The following CTDSPL2 variants were observed in gnomAD, a reference collection of about 807,000 sequenced individuals.
CTDSPL2 encodes CTD small phosphatase-like protein 2.
In CTDSPL2, 5 loss-of-function variants were observed where a neutral mutation model predicts 60.0. The ratio of observed to expected loss-of-function variants is 0.08; its 90% CI spans 0.04 to 0.18. The LOEUF is 0.18. Among genes scored for constraint, CTDSPL2 ranks in the 10% least tolerant of loss-of-function variants. CTDSPL2 has a pLI of 1.00. For synonymous variants in CTDSPL2, 186 were observed against 189.3 expected, an observed-to-expected ratio of 0.98 and a Z score of 0.14; for missense variants, 370 against 548.8, an observed-to-expected ratio of 0.67 and a Z score of 3.26.
intron 1 of CTDSPL2, chr15:44,428,104 G>C (rs1435186560): frequency 6.2e-6 from 1 of 161,256 alleles, no homozygotes; most frequent in Non-Finnish European, 1.3e-5. Flanking sequence ...GGGTAATTAA[G>C]TTAGAAGTTT....
chr15:44,448,255 G>A (rs1263088535), intron 1 of CTDSPL2: 10 of 290,230 alleles, frequency 3.4e-5, no homozygotes, highest in African/African-American at 1.5e-4. Context: ...ACTGCGCTCC[G>A]TGACCTTGCC....
At chr15:44,490,116 G>A (rs1297986225) in intron 4 of CTDSPL2, among the ~76,000 whole-genome samples, 1 of 152,054 alleles carries the variant, frequency 6.6e-6, no homozygotes, top group Non-Finnish European at 1.5e-5. Flanking sequence ...AGAAGGAAAT[G>A]GAAAGACCTG....
Position 44,486,717 on chromosome 15 carries a change from A to G in CTDSPL2, c.475+17A>G. 2.7e-6 allele frequency: 4 copies of G among 1,491,844 alleles called. No individual in the cohort carries two copies. Among genetic ancestry groups the G allele is most frequent in the Non-Finnish European group, 3.6e-6 (4 of 1,116,568 alleles). 92.4% of individuals were successfully genotyped at this position (1,491,844 alleles called of 1,614,324 possible). Reference sequence around the variant, plus strand: ...ATAAAAATGGTAAGTATAAACTGTTAACTGTGATTTGGATTTTTTTTAAAA... The same window carrying G: ...ATAAAAATGGTAAGTATAAACTGTTGACTGTGATTTGGATTTTTTTTAAAA... On this transcript the variant is annotated intron_variant, in intron 4 of 12. Transcript: ENST00000260327.
In CTDSPL2 at chr15:44,472,830, A is replaced by AT. The variant is rs975719205; in HGVS notation, c.187-11386dup. ...AGGCACATGCCACCAAGTCCAACTA[A>AT]TTTTTTTTATTTTTAATGGAGACAG... On this transcript the variant is annotated intron_variant, in intron 2 of 12. Coordinates refer to ENST00000260327, the MANE Select transcript of CTDSPL2 (RefSeq NM_016396.3). 2.3e-4 allele frequency among the ~76,000 whole-genome samples: 35 copies of AT among 152,152 alleles called. 1 individual carries two copies. The highest frequency in any genetic ancestry group is 1.9e-3 in the Admixed American group (29 of 15,286).
intron 1 of CTDSPL2, among the ~76,000 whole-genome samples, chr15:44,435,512 T>G (rs2141263449): frequency 6.7e-6 from 1 of 148,578 alleles, no homozygotes; most frequent in South Asian, 2.2e-4. Flanking sequence ...GAGGTTGCAG[T>G]GAGCTGAGAT....
At chr15:44,428,515 G>A (rs2141241590) in intron 1 of CTDSPL2, among the ~76,000 whole-genome samples, 1 of 152,312 alleles carries the variant, frequency 6.6e-6, no homozygotes, top group South Asian at 2.1e-4. Flanking sequence ...TCTCACCCTA[G>A]TGGTGGCTGG....
chr15:44,467,978 C>A (rs1284012967), intron 2 of CTDSPL2, among the ~76,000 whole-genome samples: 1 of 151,890 alleles, frequency 6.6e-6, no homozygotes, highest in Non-Finnish European at 1.5e-5. Context: ...ATTTTTGTAT[C>A]TGTATTCATG....
intron 1 of CTDSPL2, among the ~76,000 whole-genome samples, chr15:44,446,616 C>G (rs769139655): frequency 1.3e-5 from 2 of 149,536 alleles, no homozygotes; most frequent in Non-Finnish European, 3.0e-5. Context: ...GGTGACAGAG[C>G]AAGGCTCTAT....
chr15:44,446,710 A>AG (rs1490633632), intron 1 of CTDSPL2, among the ~76,000 whole-genome samples: 3 of 151,772 alleles, frequency 2.0e-5, no homozygotes, highest in Non-Finnish European at 4.4e-5. Context: ...ACAGGCAAAA[A>AG]AAAAAAAGAG....
intron 2 of CTDSPL2, among the ~76,000 whole-genome samples, chr15:44,480,828 C>G (rs75732039): frequency 0.035 from 5,281 of 151,410 alleles, 146 homozygotes; most frequent in Non-Finnish European, 0.054. Flanking sequence ...GACCCTGCCT[C>G]CATGAAAAAA....
intron 2 of CTDSPL2, among the ~76,000 whole-genome samples, chr15:44,483,814 A>G (rs568367221): frequency 7.2e-5 from 11 of 152,294 alleles, no homozygotes; most frequent in South Asian, 4.1e-4. Flanking sequence ...TTTTTGGGCT[A>G]TATGTGACTT....
At chr15:44,464,805 A>G (rs897151536) in intron 2 of CTDSPL2, among the ~76,000 whole-genome samples, 3 of 152,156 alleles carry the variant, frequency 2.0e-5, no homozygotes, top group Non-Finnish European at 2.9e-5. Context: ...CCTGGATTCA[A>G]GCGATTTCTC....
chr15:44,454,858 C>T (rs550783147), intron 1 of CTDSPL2, among the ~76,000 whole-genome samples: 15 of 152,236 alleles, frequency 9.9e-5, no homozygotes, highest in East Asian at 7.7e-4. Flanking sequence ...AGTCAGGTAG[C>T]GTAATGCCTC....
chr15:44,498,245 T>A (rs1433208223), intron 7 of CTDSPL2, among the ~76,000 whole-genome samples: 1 of 152,216 alleles, frequency 6.6e-6, no homozygotes, highest in African/African-American at 2.4e-5. Flanking sequence ...TATTTTATTA[T>A]TAAGCATTTG....
chr15:44,495,562 A>AG (rs2081284770), intron 5 of CTDSPL2, among the ~76,000 whole-genome samples: 2 of 151,934 alleles, frequency 1.3e-5, no homozygotes, highest in African/African-American at 4.8e-5. Flanking sequence ...AAAAAAAAAA[A>AG]AGAGATCATA....
chr15:44,511,732 G>A (rs1247008716), intron 8 of CTDSPL2, among the ~76,000 whole-genome samples: 1 of 152,010 alleles, frequency 6.6e-6, no homozygotes, highest in African/African-American at 2.4e-5. Flanking sequence ...GCCGGATGTG[G>A]TGGCACACGC....
In CTDSPL2 at chr15:44,516,007, G is replaced by A. The variant is rs2081648216; in HGVS notation, c.1112+1163G>A. Among the ~76,000 whole-genome samples the A allele has an allele frequency of 3.7e-5, 5 of 135,838 alleles. 1 individual carries two copies. The South Asian group carries it at 9.1e-4, about 25-fold the overall frequency. The allele number at this position is 135,838 out of a possible 152,430, so 89.1% of individuals were successfully genotyped here. ...TTTTCTTTTTTTTTTTTTTTGAGGC[G>A]GATTCTCACTCTGTTGCCCAGGCTG... is the stretch of plus-strand genomic sequence containing the variant. On this transcript the variant is annotated intron_variant, in intron 10 of 12. Coordinates refer to ENST00000260327, the MANE Select transcript of CTDSPL2 (RefSeq NM_016396.3).
intron 2 of CTDSPL2, among the ~76,000 whole-genome samples, chr15:44,469,517 ATTAC>A (rs1468072933): frequency 1.3e-5 from 2 of 151,294 alleles, no homozygotes; most frequent in Non-Finnish European, 2.9e-5. Flanking sequence ...CTTATTTTTT[ATTAC>A]TTCATTTTTC....
At chr15:44,461,084 G>T (rs1056687266) in intron 2 of CTDSPL2, among the ~76,000 whole-genome samples, 2 of 152,100 alleles carry the variant, frequency 1.3e-5, no homozygotes, top group Non-Finnish European at 2.9e-5. Flanking sequence ...GCTATTTCTA[G>T]TTTTCCTTAT....
Sources: allele counts gnomAD v4.1 joint callset (sites outside exome capture counted in the v4.1 genomes callset), GRCh38; gene constraint gnomAD v4.1.1; transcripts MANE v1.5; gene names NCBI Gene and HGNC (gene_info 2026-07-23, HGNC 2026-07-21).